Variants in TPD52 observed in about 807,000 individuals in gnomAD.
TPD52 encodes the protein tumor protein D52, also known as prostate and colon associated protein.
A neutral mutation model predicts 31.3 loss-of-function variants in TPD52; 17 were observed. The observed-to-expected ratio is 0.54, with a 90% CI of 0.37 to 0.82. The LOEUF is 0.82. Among genes scored for constraint, TPD52 ranks in the 40% least tolerant of loss-of-function variants. The pLI is 0.00. For synonymous variants in TPD52, 83 were observed against 89.6 expected (o/e 0.93, Z 0.42); for missense variants, 212 against 240.1 (o/e 0.88, Z 0.77).
chr8:80,120,305 A>G (rs1808170646), intron 1 of TPD52, among the ~76,000 whole-genome samples: 1 of 152,136 alleles, frequency 6.6e-6, no homozygotes, highest in African/African-American at 2.4e-5. Context: ...CCTAGCCAAC[A>G]CGGCAAAACC....
intron 1 of TPD52, 129 bp downstream of exon 1, chr8:80,171,296 C>T: frequency 5.7e-6 from 7 of 1,235,890 alleles, no homozygotes; most frequent in Non-Finnish European, 6.9e-6. Flanking sequence ...ATGCAACTTG[C>T]GGCGCCGGCC....
At chr8:80,098,332 G>T (rs1362157038) in intron 1 of TPD52, among the ~76,000 whole-genome samples, 1 of 152,126 alleles carries the variant, frequency 6.6e-6, no homozygotes, top group African/African-American at 2.4e-5. Context: ...TGCTCGGGTG[G>T]GTCTGGGCAA....
rs148382939 is a variant in TPD52, at chr8:80,044,691, C to T, written c.414-483G>A. ...CAAGGACAATGCAGTTCACTGACCA[C>T]TCAGGTTCAAGGTTACCTACTCTTA... On this transcript the variant is annotated intron_variant, in intron 5 of 7. Transcript: ENST00000518937. Among the ~76,000 whole-genome samples, 818 of 152,278 alleles carry T rather than the reference C, an allele frequency of 5.4e-3. 6 individuals are homozygous for T. Among genetic ancestry groups the T allele is most frequent in the African/African-American group, 0.019 (780 of 41,542 alleles).
intron 1 of TPD52, among the ~76,000 whole-genome samples, chr8:80,139,596 C>G (rs1180676866): frequency 6.8e-6 from 1 of 146,958 alleles, no homozygotes; most frequent in East Asian, 2.0e-4. Context: ...GGGAAAAATT[C>G]AGCACAACCA....
chr8:80,164,960 A>T (rs924847627), intron 1 of TPD52, among the ~76,000 whole-genome samples: 1 of 151,388 alleles, frequency 6.6e-6, no homozygotes, highest in East Asian at 1.9e-4. Flanking sequence ...GTTAAAAAAA[A>T]TCACTATAAA....
chr8:80,044,473 C>A (rs186320038), intron 5 of TPD52, among the ~76,000 whole-genome samples: 2 of 152,124 alleles, frequency 1.3e-5, no homozygotes, highest in Non-Finnish European at 2.9e-5. Flanking sequence ...TGCTTTCACC[C>A]GGAGCTGTAA....
chr8:80,117,351 A>G (rs1807934426), intron 1 of TPD52, among the ~76,000 whole-genome samples: 1 of 152,228 alleles, frequency 6.6e-6, no homozygotes, highest in East Asian at 1.9e-4. Flanking sequence ...TACAATTTCA[A>G]TGAATAACCT....
intron 1 of TPD52, among the ~76,000 whole-genome samples, chr8:80,101,619 A>C (rs917747688): frequency 6.6e-6 from 1 of 152,132 alleles, no homozygotes; most frequent in Non-Finnish European, 1.5e-5. Context: ...TGCTTCTGTG[A>C]GGGTCGCAGG....
chr8:80,095,363 G>C (rs1213123961), intron 1 of TPD52, among the ~76,000 whole-genome samples: 2 of 152,232 alleles, frequency 1.3e-5, no homozygotes, highest in South Asian at 2.1e-4. Context: ...AAGGGCTGAG[G>C]GGGAGGCAAG....
In TPD52 at chr8:80,035,968, T is replaced by G. The variant is rs1809876807; in HGVS notation, c.*2148A>C. On this transcript the variant is annotated 3_prime_UTR_variant, in exon 8 of 8. Coordinates refer to ENST00000518937, the MANE Select transcript of TPD52 (RefSeq NM_001025253.3). ...CATTTTGAATATTTCTAAATTCATG[T>G]TTTTTTCTAAATCCATCCTCACTCT... The G allele has an allele frequency of 6.6e-6, 1 of 152,246 alleles. No individual in the cohort carries two copies. Among genetic ancestry groups the G allele is most frequent in the Admixed American group, 6.5e-5 (1 of 15,284 alleles). 9.4% of individuals were successfully genotyped at this position (152,246 alleles called of 1,614,324 possible).
intron 1 of TPD52, among the ~76,000 whole-genome samples, chr8:80,108,369 T>C (rs1807276995): frequency 6.6e-6 from 1 of 152,262 alleles, no homozygotes; most frequent in Admixed American, 6.5e-5. Flanking sequence ...TCTACAGTCA[T>C]AATCTTGATT....
chr8:80,083,624 G>T (rs1815503616), intron 1 of TPD52, among the ~76,000 whole-genome samples: 1 of 152,154 alleles, frequency 6.6e-6, no homozygotes, highest in Admixed American at 6.5e-5. Context: ...TGCCATGATT[G>T]TAAGTTTCCT....
intron 1 of TPD52, among the ~76,000 whole-genome samples, chr8:80,094,093 T>C (rs946416437): frequency 6.6e-6 from 1 of 152,074 alleles, no homozygotes; most frequent in African/African-American, 2.4e-5. Context: ...CAGGTATTTA[T>C]CAAAATAGGC....
intron 1 of TPD52, among the ~76,000 whole-genome samples, chr8:80,114,604 C>T (rs984891150): frequency 6.6e-6 from 1 of 152,166 alleles, no homozygotes; most frequent in Non-Finnish European, 1.5e-5. Context: ...GGAATCTGGA[C>T]ACTCCAAAAT....
At chr8:80,156,073 G>C (rs1448582458) in intron 1 of TPD52, among the ~76,000 whole-genome samples, 2 of 152,138 alleles carry the variant, frequency 1.3e-5, no homozygotes, top group African/African-American at 4.8e-5. Flanking sequence ...CACTACTGTA[G>C]TTTGGGCATG....
At chr8:80,042,725 T>C in intron 6 of TPD52, 57 bp from the exon 7 acceptor site, 2 of 1,495,720 alleles carry the variant, frequency 1.3e-6, no homozygotes, top group Non-Finnish European at 1.8e-6. Context: ...AAAATCCAAC[T>C]AGTTTGAAAA....
chr8:80,053,246 C>A, intron 3 of TPD52, 36 bp downstream of exon 3: 1 of 1,606,532 alleles, frequency 6.2e-7, no homozygotes, highest in Admixed American at 1.7e-5. Context: ...GTGTCCTTTA[C>A]ACTCCCAAGG....
At chr8:80,056,154 T>C (rs1181266059) in intron 2 of TPD52, among the ~76,000 whole-genome samples, 3 of 152,130 alleles carry the variant, frequency 2.0e-5, no homozygotes, top group East Asian at 1.9e-4. Context: ...ATAAAGAAAA[T>C]GTGGTATACA....
intron 1 of TPD52, among the ~76,000 whole-genome samples, chr8:80,147,536 T>C (rs1810278979): frequency 6.6e-6 from 1 of 152,196 alleles, no homozygotes; most frequent in South Asian, 2.1e-4. Context: ...GAATGAACAA[T>C]GAAGACCTTG....
Sources: allele counts gnomAD v4.1 joint callset (sites outside exome capture counted in the v4.1 genomes callset), GRCh38; gene constraint gnomAD v4.1.1; transcripts MANE v1.5; gene names NCBI Gene and HGNC (gene_info 2026-07-23, HGNC 2026-07-21).